Variants in PSD3 observed in about 807,000 individuals in gnomAD.
PSD3 encodes pleckstrin and Sec7 domain containing 3, also known as PH and SEC7 domain-containing protein 3.
In PSD3, 49 loss-of-function variants were observed where a neutral mutation model predicts 105.5. The observed-to-expected ratio is 0.46, with a 90% CI of 0.37 to 0.59. The LOEUF (loss-of-function observed/expected upper bound fraction) is 0.59. Ranked by LOEUF, PSD3 falls within the 20% of genes least tolerant of loss-of-function variation. The pLI is 0.00. For synonymous variants in PSD3, 557 were observed against 457.8 expected, an observed-to-expected ratio of 1.22 and a Z score of -2.77; for missense variants, 1,561 against 1,263.8, an observed-to-expected ratio of 1.24 and a Z score of -3.57.
chr8:18,867,047 G>A (rs1338107982), intron 4 of PSD3, among the ~76,000 whole-genome samples: 1 of 152,080 alleles, frequency 6.6e-6, no homozygotes, highest in Non-Finnish European at 1.5e-5. Context: ...TGGATACAAT[G>A]TACATAATTT....
rs190450570 is a variant in PSD3 at position 18,631,553 on chromosome 8, C to T, written c.2410+1060G>A. On this transcript the variant is annotated intron_variant, in intron 11 of 15. Coordinates refer to ENST00000327040, the MANE Select transcript of PSD3 (RefSeq NM_015310.4). ...CATGCAGAGATAGAAATGGAGAGTACGTCCTGGTGACAATCCATCTTCAGG... is the reference window on the plus strand; with the variant it reads ...CATGCAGAGATAGAAATGGAGAGTATGTCCTGGTGACAATCCATCTTCAGG... Among the ~76,000 whole-genome samples the T allele has an allele frequency of 3.3e-5, 5 of 151,960 alleles. No homozygotes were observed. The East Asian group carries it at 5.8e-4, about 18-fold the overall frequency.
At chr8:18,663,382 T>C (rs1027153197) in intron 9 of PSD3, among the ~76,000 whole-genome samples, 4 of 151,276 alleles carry the variant, frequency 2.6e-5, no homozygotes, top group Non-Finnish European at 5.9e-5. Context: ...GCCAAGATCA[T>C]GCCACTGCAC....
intron 2 of PSD3, among the ~76,000 whole-genome samples, chr8:18,895,109 A>T (rs918957814): frequency 2.6e-5 from 4 of 152,176 alleles, no homozygotes; most frequent in African/African-American, 9.6e-5. Context: ...CTTTCCTGAG[A>T]TCCTGTATGT....
At chr8:18,950,671 A>G (rs1411647083) in intron 1 of PSD3, among the ~76,000 whole-genome samples, 1 of 152,180 alleles carries the variant, frequency 6.6e-6, no homozygotes, top group Non-Finnish European at 1.5e-5. Flanking sequence ...TCACTTCATA[A>G]CATCACTTTG....
At chr8:18,839,887 G>C (rs1160371816) in intron 4 of PSD3, among the ~76,000 whole-genome samples, 1 of 152,158 alleles carries the variant, frequency 6.6e-6, no homozygotes, top group Non-Finnish European at 1.5e-5. Context: ...AAATGTGGTA[G>C]TTACTTAGCA....
At chr8:19,079,910 G>T (rs1172128722) in intron 1 of PSD3, among the ~76,000 whole-genome samples, 2 of 126,640 alleles carry the variant, frequency 1.6e-5, no homozygotes, top group Non-Finnish European at 3.3e-5. Context: ...TTTTTTTTGA[G>T]ACAGAGTCTA....
intron 1 of PSD3, among the ~76,000 whole-genome samples, chr8:19,073,876 C>T (rs6982280): frequency 6.6e-6 from 1 of 151,186 alleles, no homozygotes; most frequent in African/African-American, 2.4e-5. Context: ...CTGCAAGCTC[C>T]GCCTCCCGGG....
At chr8:18,756,378 C>T (rs1239260160) in intron 9 of PSD3, among the ~76,000 whole-genome samples, 2 of 152,106 alleles carry the variant, frequency 1.3e-5, no homozygotes, top group African/African-American at 4.8e-5. Context: ...TTGTGTAGTC[C>T]TTTGGGAATA....
chr8:18,837,620 T>C (rs1433710239), intron 4 of PSD3, among the ~76,000 whole-genome samples: 1 of 152,042 alleles, frequency 6.6e-6, no homozygotes. Context: ...TAAATGTAGA[T>C]AGTAACTGAA....
At chr8:19,050,902 A>G (rs1828505551) in intron 1 of PSD3, among the ~76,000 whole-genome samples, 1 of 152,158 alleles carries the variant, frequency 6.6e-6, no homozygotes, top group African/African-American at 2.4e-5. Flanking sequence ...GCCAGGAGCT[A>G]GTCACTCACA....
chr8:18,649,413 T>C (rs1182765547), intron 10 of PSD3, among the ~76,000 whole-genome samples: 1 of 152,220 alleles, frequency 6.6e-6, no homozygotes, highest in African/African-American at 2.4e-5. Context: ...GTAGCCCCTT[T>C]CTTTTGGCTG....
At chr8:18,815,403 G>C (rs989569113) in intron 4 of PSD3, among the ~76,000 whole-genome samples, 17 of 152,216 alleles carry the variant, frequency 1.1e-4, no homozygotes, top group African/African-American at 3.9e-4. Context: ...CCACCTCCAG[G>C]GTTCAAGCGA....
chr8:19,071,572 G>A (rs1251009671), intron 1 of PSD3, among the ~76,000 whole-genome samples: 1 of 152,156 alleles, frequency 6.6e-6, no homozygotes, highest in Non-Finnish European at 1.5e-5. Flanking sequence ...CCTGGAAAGC[G>A]GGGAGAAAGA....
intron 11 of PSD3, among the ~76,000 whole-genome samples, chr8:18,610,827 T>C (rs1179993057): frequency 7.2e-6 from 1 of 138,184 alleles, no homozygotes; most frequent in Non-Finnish European, 1.6e-5. Context: ...TGTTCTGAAA[T>C]GCCAGAAAGT....
In PSD3 at chr8:18,820,310, T is replaced by G. The variant is rs1431819692; in HGVS notation, c.1635-15412A>C. On this transcript the variant is annotated intron_variant, in intron 4 of 15. Transcript: ENST00000327040. ...AAATATAAAATATAATAAATTAAGA[T>G]ACTGACTTATCTCCCAATCAATAGT... Among the ~76,000 whole-genome samples, 4 of 151,892 alleles carry G rather than the reference T, an allele frequency of 2.6e-5. No homozygotes were observed. The South Asian group carries it at 8.3e-4, about 31-fold the overall frequency.
At chr8:18,827,333 G>T (rs1290711792) in intron 4 of PSD3, among the ~76,000 whole-genome samples, 1 of 152,196 alleles carries the variant, frequency 6.6e-6, no homozygotes, top group Non-Finnish European at 1.5e-5. Flanking sequence ...CAGCACCAGG[G>T]ATAGGTCACA....
upstream of PSD3, among the ~76,000 whole-genome samples, chr8:19,017,390 A>G (rs796575900): frequency 6.6e-6 from 1 of 152,124 alleles, no homozygotes; most frequent in Non-Finnish European, 1.5e-5. Context: ...AGATTTTTTT[A>G]AAACAGCTTT....
At chr8:18,728,245 G>T (rs566789388) in intron 9 of PSD3, among the ~76,000 whole-genome samples, 3 of 152,260 alleles carry the variant, frequency 2.0e-5, no homozygotes, top group African/African-American at 4.8e-5. Flanking sequence ...AATACTCATT[G>T]CAAGAATTCA....
At chr8:18,555,067 G>T (rs188755804) in intron 15 of PSD3, among the ~76,000 whole-genome samples, 1 of 152,056 alleles carries the variant, frequency 6.6e-6, no homozygotes, top group Admixed American at 6.6e-5. Flanking sequence ...AGGTAACTGG[G>T]GGAGGGGAAT....
Sources: allele counts gnomAD v4.1 joint callset (sites outside exome capture counted in the v4.1 genomes callset), GRCh38; gene constraint gnomAD v4.1.1; transcripts MANE v1.5; gene names NCBI Gene and HGNC (gene_info 2026-07-23, HGNC 2026-07-21).